Variants in SMURF1 observed in about 807,000 individuals in gnomAD.
The protein encoded by SMURF1 is SMAD specific E3 ubiquitin protein ligase 1, also known as E3 ubiquitin-protein ligase SMURF1.
SMURF1 carries 44 observed loss-of-function variants against 98.0 expected under a neutral mutation model. The ratio of observed to expected loss-of-function variants is 0.45; its 90% CI spans 0.35 to 0.58. The LOEUF is 0.58. Ranked by LOEUF, SMURF1 falls within the 20% of genes least tolerant of loss-of-function variation. SMURF1 has a pLI of 0.00. For synonymous variants in SMURF1, 396 were observed against 374.9 expected (o/e 1.06, Z -0.65); for missense variants, 687 against 938.4 (o/e 0.73, Z 3.50).
chr7:99,038,415 G>A lies in SMURF1; in HGVS notation c.1661C>T (p.Thr554Ile), dbSNP rs1393516583. The A allele has an allele frequency of 6.2e-7, 1 of 1,614,218 alleles. No homozygotes were observed. Among genetic ancestry groups the A allele is most frequent in the South Asian group, 1.1e-5 (1 of 91,080 alleles). Residue 554 changes from threonine (T) to isoleucine (I), a missense_variant, in exon 14 of 18, where the codon ACA (threonine) becomes ATA (isoleucine). This residue lies in a region of SMURF1 where 272 missense variants were observed against 430.0 expected (regional missense o/e 0.63). Coordinates refer to ENST00000361368, the MANE Select transcript of SMURF1 (RefSeq NM_181349.3). ...LKPNGRNVPV[T>I]EENKKEYVRL... is the part of the protein sequence containing the mutation. ...GACGTATTCTTTCTTATTCTCCTCT[G>A]TGACTGGCACATTTCTGCCATTGGG...
intron 1 of SMURF1, among the ~76,000 whole-genome samples, chr7:99,141,605 C>T (rs1343565040): frequency 6.6e-6 from 1 of 152,140 alleles, no homozygotes; most frequent in African/African-American, 2.4e-5. Context: ...AGGAAACTAC[C>T]TCCTACGTTA....
chr7:99,139,044 A>G (rs1302093802), intron 1 of SMURF1, among the ~76,000 whole-genome samples: 1 of 152,218 alleles, frequency 6.6e-6, no homozygotes, highest in African/African-American at 2.4e-5. Flanking sequence ...TTTGAAACAA[A>G]AGTTTTGCCT....
Position 99,063,241 on chromosome 7 carries a change from TTATATATATATATATA to T in SMURF1, c.56-1420_56-1405del, listed in dbSNP as rs1178325637. ...ATATATATATATATATAAGATTTAT[TTATATATATATATATA>T]TATATATATATATATATATATATAT... On this transcript the variant is annotated intron_variant, in intron 1 of 17. Transcript: ENST00000361368. Among the ~76,000 whole-genome samples, 177 of 34,748 alleles carry T rather than the reference TTATATATATATATATA, an allele frequency of 5.1e-3. 4 individuals are homozygous for T. Among genetic ancestry groups the T allele is most frequent in the African/African-American group, 0.02 (161 of 7,938 alleles). The allele number at this position is 34,748 out of a possible 152,430, so 22.8% of individuals were successfully genotyped here. A position where few individuals can be genotyped will look rare whatever the true frequency, so the allele number is the denominator to read the frequency against.
intron 3 of SMURF1, among the ~76,000 whole-genome samples, chr7:99,058,953 G>A (rs932729318): frequency 3.9e-5 from 6 of 152,192 alleles, no homozygotes; most frequent in South Asian, 2.1e-4. Context: ...GCATGGTGGC[G>A]GGTACCTGTA....
chr7:99,072,504 G>A (rs932048725), intron 1 of SMURF1, among the ~76,000 whole-genome samples: 6 of 152,180 alleles, frequency 3.9e-5, no homozygotes, highest in Admixed American at 2.6e-4. Context: ...TTAGCCAGGC[G>A]TGGTGGCGCA....
intron 1 of SMURF1, among the ~76,000 whole-genome samples, chr7:99,086,738 G>A (rs1796689346): frequency 6.6e-6 from 1 of 152,178 alleles, no homozygotes; most frequent in African/African-American, 2.4e-5. Context: ...GCCATGAAAA[G>A]AATGAAGTAT....
chr7:99,034,787 C>G (rs1223214639), intron 16 of SMURF1, among the ~76,000 whole-genome samples: 1 of 152,204 alleles, frequency 6.6e-6, no homozygotes, highest in African/African-American at 2.4e-5. Flanking sequence ...GGAAAAGATG[C>G]AGGTGCCCTG....
chr7:99,083,446 C>G (rs1314491756), intron 1 of SMURF1, among the ~76,000 whole-genome samples: 2 of 152,146 alleles, frequency 1.3e-5, no homozygotes, highest in Non-Finnish European at 2.9e-5. Flanking sequence ...CAATATTAAA[C>G]TAGGAGAAGA....
At chr7:99,059,586 CAA>C (rs1327473309) in intron 3 of SMURF1, among the ~76,000 whole-genome samples, 1 of 151,844 alleles carries the variant, frequency 6.6e-6, no homozygotes, top group Non-Finnish European at 1.5e-5. Context: ...CAAAAATTTT[CAA>C]AGTCAACAGA....
At position 99,102,357 on chromosome 7, in the gene SMURF1, T is replaced by A. The variant is rs149612750; in HGVS notation, c.56-40520A>T. On this transcript the variant is annotated intron_variant, in intron 1 of 17. Transcript: ENST00000361368. Reference sequence around the variant, plus strand: ...ATGGTTAAAATGGCAAATTTTATAATGTGTATTTTGCCAAATTTACAAAAT... The same window carrying A: ...ATGGTTAAAATGGCAAATTTTATAAAGTGTATTTTGCCAAATTTACAAAAT... Among the ~76,000 whole-genome samples, 650 of 152,342 alleles carry A rather than the reference T, an allele frequency of 4.3e-3. 4 individuals are homozygous for A. Among genetic ancestry groups the A allele is most frequent in the Non-Finnish European group, 6.5e-3 (441 of 68,026 alleles).
At chr7:99,123,277 C>T (rs1254147559) in intron 1 of SMURF1, among the ~76,000 whole-genome samples, 1 of 152,072 alleles carries the variant, frequency 6.6e-6, no homozygotes, top group East Asian at 1.9e-4. Flanking sequence ...GTGGCTTACG[C>T]CTGTAATTCC....
Position 99,143,994 on chromosome 7 carries a change from T to G in SMURF1, c.-214A>C. The G allele has an allele frequency of 5.3e-6, 2 of 376,506 alleles. No homozygotes were observed. Among genetic ancestry groups the G allele is most frequent in the Non-Finnish European group, 4.6e-6 (1 of 215,524 alleles). The allele number at this position is 376,506 out of a possible 1,614,324, so 23.3% of individuals were successfully genotyped here. ...GCTGCGGCGCTCTGACCCTCGCTGC[T>G]TCCAGCCGAGCCCAGTCCCGAGCCG... On this transcript the variant is annotated 5_prime_UTR_variant, in exon 1 of 18. Coordinates refer to ENST00000361368, the MANE Select transcript of SMURF1 (RefSeq NM_181349.3).
At position 99,102,488 on chromosome 7, in the gene SMURF1, G is replaced by C. The variant is rs529811010; in HGVS notation, c.56-40651C>G. On this transcript the variant is annotated intron_variant, in intron 1 of 17. Transcript: ENST00000361368. ...ATAGCTGTTTAAAAAAACTTACAGA[G>C]CCCTCTTCCAGAAAAGCTGCCTTGT... Among the ~76,000 whole-genome samples, 27 of 152,240 alleles carry C rather than the reference G, an allele frequency of 1.8e-4. 1 individual carries two copies. In the South Asian group the frequency reaches 3.1e-3, roughly 18 times the overall value.
intron 1 of SMURF1, among the ~76,000 whole-genome samples, chr7:99,124,058 A>G (rs1797697782): frequency 6.6e-6 from 1 of 152,222 alleles, no homozygotes; most frequent in Non-Finnish European, 1.5e-5. Context: ...ACTCCATTGC[A>G]TCTCACCGTC....
chr7:99,104,971 A>G (rs926606160), intron 1 of SMURF1, among the ~76,000 whole-genome samples: 3 of 152,182 alleles, frequency 2.0e-5, no homozygotes, highest in African/African-American at 4.8e-5. Context: ...CAGCCTTCCA[A>G]TTAATTTTCT....
chr7:99,051,860 G>C (rs1296462092), intron 7 of SMURF1, among the ~76,000 whole-genome samples: 1 of 152,122 alleles, frequency 6.6e-6, no homozygotes. Flanking sequence ...ACTCAAAAAG[G>C]GTTAAAGGCC....
Position 99,047,830 on chromosome 7 carries a change from C to T in SMURF1, c.1006G>A (p.Gly336Ser), listed in dbSNP as rs756708255. The change falls in exon 10 of 18, where the codon GGC (glycine) becomes AGC (serine). Residue 336 changes from glycine (G) to serine (S), a missense_variant. This residue lies in a region of SMURF1 where 415 missense variants were observed against 508.4 expected (regional missense o/e 0.82). Coordinates refer to ENST00000361368, the MANE Select transcript of SMURF1 (RefSeq NM_181349.3). ...PSQPLPLPSE[G>S]SLEDEELPAQ... ...GGAAGCTCCTCGTCCTCCAGAGAGC[C>T]CTCACTGGGCAGTGGCAGCGGCTGG... 1 of 1,614,188 alleles carries T rather than the reference C, an allele frequency of 6.2e-7. No homozygotes were observed. Among genetic ancestry groups the T allele is most frequent in the Non-Finnish European group, 8.5e-7 (1 of 1,180,044 alleles).
intron 1 of SMURF1, among the ~76,000 whole-genome samples, chr7:99,112,670 T>C (rs779483624): frequency 6.6e-6 from 1 of 152,188 alleles, no homozygotes; most frequent in African/African-American, 2.4e-5. Context: ...GCCTAGTCAC[T>C]GGACTTACTA....
chr7:99,066,795 AAAAAG>A (rs1198853001), intron 1 of SMURF1, among the ~76,000 whole-genome samples: 1 of 151,580 alleles, frequency 6.6e-6, no homozygotes, highest in African/African-American at 2.4e-5. Context: ...AAAAAAAAAA[AAAAAG>A]AAAAGAAGAA....
Sources: allele counts gnomAD v4.1 joint callset (sites outside exome capture counted in the v4.1 genomes callset), GRCh38; gene constraint gnomAD v4.1.1; regional missense constraint gnomAD v4.1.1; transcripts MANE v1.5; gene names NCBI Gene and HGNC (gene_info 2026-07-23, HGNC 2026-07-21).